The following BAP1 variants were observed in gnomAD, a reference collection of about 807,000 sequenced individuals.
BAP1 encodes the protein BRCA1 associated deubiquitinase 1, also known as ubiquitin carboxyl-terminal hydrolase BAP1.
BAP1 carries 16 observed loss-of-function variants against 77.2 expected under a neutral mutation model. That is an observed-to-expected ratio of 0.21 (90% CI 0.14 to 0.31). The LOEUF (loss-of-function observed/expected upper bound fraction) is 0.31. Ranked by LOEUF, BAP1 falls within the 10% of genes least tolerant of loss-of-function variation. The pLI, the probability that BAP1 is intolerant of heterozygous loss-of-function variation, is 1.00. For missense variants in BAP1, 699 were observed against 967.3 expected (o/e 0.72, Z 3.68); for synonymous variants, 362 against 385.2 (o/e 0.94, Z 0.71).
Position 52,402,154 on chromosome 3 carries a change from C to G in BAP1, c.*134G>C. Reference sequence around the variant, plus strand: ...ACGATGGAAGGAATGTGGCCTGGTTCCTCCCATTCCCAGGGCCTGGACTCT... The same window carrying G: ...ACGATGGAAGGAATGTGGCCTGGTTGCTCCCATTCCCAGGGCCTGGACTCT... On this transcript the variant is annotated 3_prime_UTR_variant, in exon 17 of 17. Transcript: ENST00000460680. The surrounding 1 kb of genome is among the most constrained non-coding windows in gnomAD (Gnocchi z 5.3). The G allele has an allele frequency of 3.5e-6, 5 of 1,411,324 alleles. No homozygotes were observed. Among genetic ancestry groups the G allele is most frequent in the Non-Finnish European group, 4.8e-6 (5 of 1,044,904 alleles). The allele number at this position is 1,411,324 out of a possible 1,614,324, so 87.4% of individuals were successfully genotyped here.
At position 52,402,818 on chromosome 3, in the gene BAP1, C is replaced by T. The variant is rs150494756; in HGVS notation, c.1944G>A (p.Ala648=). 56 of 1,614,124 alleles carry T rather than the reference C, an allele frequency of 3.5e-5. No homozygotes were observed. Among genetic ancestry groups the T allele is most frequent in the Non-Finnish European group, 4.6e-5 (54 of 1,180,056 alleles). The change falls in exon 15 of 17, where the codon GCG becomes GCA. Residue 648 remains alanine, a synonymous_variant. Transcript: ENST00000460680. The surrounding 1 kb of genome is among the most constrained non-coding windows in gnomAD (Gnocchi z 5.3). ...TCTTCTCTACCTCCTCCTTGAGGCA[C>T]GCCTCATAGTTTGCAATCTCAGCCT... is the stretch of plus-strand genomic sequence containing the variant. ...CVEAEIANYE[A]CLKEEVEKRK... is the part of the protein sequence containing the mutation.
Position 52,403,358 on chromosome 3 carries a change from C to T in BAP1, c.1729+58G>A. 1 of 1,612,172 alleles carries T rather than the reference C, an allele frequency of 6.2e-7. No homozygotes were observed. The highest frequency in any genetic ancestry group is 8.5e-7 in the Non-Finnish European group (1 of 1,179,448). On this transcript the variant is annotated intron_variant, in intron 13 of 16. Coordinates refer to ENST00000460680, the MANE Select transcript of BAP1 (RefSeq NM_004656.4). The surrounding 1 kb of genome is among the most constrained non-coding windows in gnomAD (Gnocchi z 4.0). ...GCAGGACACTTTGTGGTCACTTGGC[C>T]ACTTCCCTCCTCCCTCCTGGGTGCA... is the stretch of plus-strand genomic sequence containing the variant.
chr3:52,406,764 TCTCTGTCC>T lies in BAP1; in HGVS notation c.659+57_659+64del. 6.6e-7 allele frequency: 1 copy of T among 1,509,590 alleles called. No homozygotes were observed. Among genetic ancestry groups the T allele is most frequent in the East Asian group, 2.5e-5 (1 of 40,710 alleles). The allele number at this position is 1,509,590 out of a possible 1,614,324, so 93.5% of individuals were successfully genotyped here. A position where few individuals can be genotyped will look rare whatever the true frequency, so the allele number is the denominator to read the frequency against. ...TGCAATTTACAAATCACCTGGATAC[TCTCTGTCC>T]CTCCCAAAGTAGGTACAGCTCCAGA... is the stretch of plus-strand genomic sequence containing the variant. On this transcript the variant is annotated intron_variant, in intron 8 of 16. Transcript: ENST00000460680. The surrounding 1 kb of genome is among the most constrained non-coding windows in gnomAD (Gnocchi z 4.6).
Position 52,409,527 on chromosome 3 carries a change from G to A in BAP1, c.122+27C>T, listed in dbSNP as rs201395831. 3.0e-5 allele frequency: 48 copies of A among 1,613,944 alleles called. No individual in the cohort carries two copies. In the South Asian group the frequency reaches 4.7e-4, roughly 16 times the overall value. ...CCTTCCCCAGCACTCTGGGTGTAAG[G>A]GGCAGCCCTGGTGTACAGCCACTCA... On this transcript the variant is annotated intron_variant, in intron 3 of 16. Coordinates refer to ENST00000460680, the MANE Select transcript of BAP1 (RefSeq NM_004656.4).
rs2153228548 is a variant in BAP1 at position 52,409,598 on chromosome 3, C to G, written c.78G>C (p.Gly26=). The G allele has an allele frequency of 6.2e-7, 1 of 1,614,158 alleles. No individual in the cohort carries two copies. Among genetic ancestry groups the G allele is most frequent in the Non-Finnish European group, 8.5e-7 (1 of 1,180,014 alleles). The change falls in exon 3 of 17, where the codon GGG becomes GGC. Residue 26 remains glycine, a synonymous_variant. Transcript: ENST00000460680. ...GGTCGTAGATCTCCTCCACTTGCAC[C>G]CCCTTGACACCTGCGATGAGGAAAG... ...TLLVEDFGVK[G]VQVEEIYDLQ... is the part of the protein sequence containing the mutation.
intron 12 of BAP1, 151 bp downstream of exon 12, chr3:52,404,302 G>A: frequency 7.4e-7 from 1 of 1,344,292 alleles, no homozygotes; most frequent in South Asian, 1.2e-5. Flanking sequence ...GGGACCTGGG[G>A]TCAGCCCCAT....
chr3:52,404,649 T>C (rs2153226910), intron 11 of BAP1, 63 bp from the exon 12 acceptor site: 1 of 1,570,350 alleles, frequency 6.4e-7, no homozygotes, highest in Non-Finnish European at 8.6e-7. Flanking sequence ...GCCTAGACAC[T>C]CACAGCCAGA....
intron 2 of BAP1, 32 bp from the exon 3 acceptor site, chr3:52,409,640 G>A (rs370637728): frequency 1.2e-5 from 19 of 1,614,066 alleles, no homozygotes; most frequent in Non-Finnish European, 1.5e-5. Context: ...AGTAGGGAAG[G>A]ACAGCCCCTG....
In BAP1 at chr3:52,403,782, A is replaced by G. The variant is rs1559586983; in HGVS notation, c.1363T>C (p.Ser455Pro). 1 of 1,613,548 alleles carries G rather than the reference A, an allele frequency of 6.2e-7. No individual in the cohort carries two copies. Among genetic ancestry groups the G allele is most frequent in the Middle Eastern group, 1.6e-4 (1 of 6,062 alleles). Residue 455 changes from serine to proline, a missense_variant, in exon 13 of 17, where the codon TCC (serine) becomes CCC (proline). Transcript: ENST00000460680. The surrounding 1 kb of genome is among the most constrained non-coding windows in gnomAD (Gnocchi z 4.0). ...INVLAEKLKE[S>P]QKDLSIPLSI... The stretch of plus-strand genomic sequence containing the variant: ...AGAGGAATTGAGAGGTCCTTCTGGG[A>G]CTCTTTGAGCTTCTCAGCCAAGACG...
rs1705166667 is a variant in BAP1 at position 52,406,556 on chromosome 3, A to G, written c.660-180T>C. ...GGCACCTGAGCTGGTACCTTCCAAC[A>G]AGCTGTATGAGGGGCCTATCTGGAA... is the stretch of plus-strand genomic sequence containing the variant. On this transcript the variant is annotated intron_variant, in intron 8 of 16. Transcript: ENST00000460680. This position sits in a 1 kb window ranked among gnomAD's most constrained non-coding sequence, Gnocchi z 4.6. 4.9e-6 allele frequency: 5 copies of G among 1,018,356 alleles called. No individual in the cohort carries two copies. Among genetic ancestry groups the G allele is most frequent in the Admixed American group, 4.1e-5 (2 of 49,000 alleles). The allele number at this position is 1,018,356 out of a possible 1,614,324, so 63.1% of individuals were successfully genotyped here.
rs1559585982 is a variant in BAP1, at chr3:52,403,234, T to G, written c.1794A>C (p.Pro598=). Residue 598 remains proline, a synonymous_variant, in exon 14 of 17, where the codon CCA becomes CCC. Transcript: ENST00000460680. The surrounding 1 kb of genome is among the most constrained non-coding windows in gnomAD (Gnocchi z 4.0). ...PIQGSQGSSS[P]VEKEVVEATD... is the part of the protein sequence containing the mutation. ...TGGCTTCCACGACCTCCTTCTCCAC[T>G]GGGCTGCTGGACCCCTGGCTGCCTT... is the stretch of plus-strand genomic sequence containing the variant. 1.2e-6 allele frequency: 2 copies of G among 1,614,198 alleles called. No homozygotes were observed. Among genetic ancestry groups the G allele is most frequent in the Non-Finnish European group, 1.7e-6 (2 of 1,180,040 alleles).
rs773809939 is a variant in BAP1 at position 52,405,301 on chromosome 3, CAG to C, written c.932-9_932-8del. ...GCCGCCTCCTCTGCACCATCTGAGACAGGGCAAGAACACAGGCAGGACCTCCA... is the reference window on the plus strand; with the variant it reads ...GCCGCCTCCTCTGCACCATCTGAGACGGCAAGAACACAGGCAGGACCTCCA... On this transcript the variant is annotated splice_polypyrimidine_tract_variant and splice_region_variant and intron_variant, in intron 10 of 16. Coordinates refer to ENST00000460680, the MANE Select transcript of BAP1 (RefSeq NM_004656.4). The C allele has an allele frequency of 5.6e-6, 9 of 1,613,438 alleles. No individual in the cohort carries two copies. Among genetic ancestry groups the C allele is most frequent in the South Asian group, 3.3e-5 (3 of 91,064 alleles).
chr3:52,404,256 C>G (rs989338920), intron 12 of BAP1, among the ~76,000 whole-genome samples, 197 bp downstream of exon 12: 1 of 152,242 alleles, frequency 6.6e-6, no homozygotes, highest in Admixed American at 6.5e-5. Context: ...AGCTTACGTG[C>G]TCAGCCTTAC....
rs2153227556 is a variant in BAP1 at position 52,406,464 on chromosome 3, G to C, written c.660-88C>G. On this transcript the variant is annotated intron_variant, in intron 8 of 16. Coordinates refer to ENST00000460680, the MANE Select transcript of BAP1 (RefSeq NM_004656.4). This position sits in a 1 kb window ranked among gnomAD's most constrained non-coding sequence, Gnocchi z 4.6. ...AGATATCCTGGCAGGGCTCCCTGCA[G>C]TCACACCTGCAGCTGTAGGTATAGG... The C allele has an allele frequency of 6.3e-7, 1 of 1,585,774 alleles. No homozygotes were observed. The highest frequency in any genetic ancestry group is 8.5e-7 in the Non-Finnish European group (1 of 1,170,042).
chr3:52,403,941 CATACCCAGCA>C lies in BAP1; in HGVS notation c.1251-57_1251-48del. 3 of 1,599,032 alleles carry C rather than the reference CATACCCAGCA, an allele frequency of 1.9e-6. No homozygotes were observed. The highest frequency in any genetic ancestry group is 2.6e-6 in the Non-Finnish European group (3 of 1,168,734). The stretch of plus-strand genomic sequence containing the variant: ...GAAGCAAGGGAACGGGCCAGGTGAC[CATACCCAGCA>C]GTACCCAGAATGGCTTAAATACATC... On this transcript the variant is annotated intron_variant, in intron 12 of 16. Transcript: ENST00000460680. This position sits in a 1 kb window ranked among gnomAD's most constrained non-coding sequence, Gnocchi z 4.0.
chr3:52,402,518 C>T lies in BAP1; in HGVS notation c.2056+84G>A, dbSNP rs1704993977. 1.2e-5 allele frequency: 20 copies of T among 1,610,638 alleles called. 1 individual carries two copies. In the South Asian group the frequency reaches 2.2e-4, roughly 18 times the overall value. ...CCCTGTGCCCCAAGGTCTGCTCAAG[C>T]CTCAGGAGAGGCCAGGGGAGGGGAG... On this transcript the variant is annotated intron_variant, in intron 16 of 16. Coordinates refer to ENST00000460680, the MANE Select transcript of BAP1 (RefSeq NM_004656.4). The surrounding 1 kb of genome is among the most constrained non-coding windows in gnomAD (Gnocchi z 5.3).
chr3:52,403,292 C>T lies in BAP1; in HGVS notation c.1736G>A (p.Gly579Glu), dbSNP rs746575769. ...TCTGATGGAGGGCGAGGAACCCTTC[C>T]CACCCTCTGGGAAGAGAGGTCACAA... ...VLSPLALTEG[G>E]KGSSPSIRPI... The change falls in exon 14 of 17, where the codon GGG (glycine) becomes GAG (glutamate). Residue 579 changes from glycine (G) to glutamate (E), a missense_variant. Transcript: ENST00000460680. The surrounding 1 kb of genome is among the most constrained non-coding windows in gnomAD (Gnocchi z 4.0). 2 of 1,613,878 alleles carry T rather than the reference C, an allele frequency of 1.2e-6. No homozygotes were observed. Among genetic ancestry groups the T allele is most frequent in the Admixed American group, 3.3e-5 (2 of 60,018 alleles).
At chr3:52,404,388 A>T (rs898255198) in intron 12 of BAP1, 65 bp downstream of exon 12, 3 of 1,608,710 alleles carry the variant, frequency 1.9e-6, no homozygotes, top group Non-Finnish European at 2.6e-6. Flanking sequence ...TCAGACACAG[A>T]CTGAGATATT....
chr3:52,402,052 G>A lies in BAP1; in HGVS notation c.*236C>T. The A allele has an allele frequency of 1.5e-6, 1 of 677,172 alleles. No homozygotes were observed. Among genetic ancestry groups the A allele is most frequent in the South Asian group, 1.9e-5 (1 of 51,346 alleles). The allele number at this position is 677,172 out of a possible 1,614,324, so 41.9% of individuals were successfully genotyped here. A position where few individuals can be genotyped will look rare whatever the true frequency, so the allele number is the denominator to read the frequency against. ...ACAGCCGGCTGTGGAGGAAGCTGCA[G>A]TACCTCGCTGTGCCCCAACTCCAGA... On this transcript the variant is annotated 3_prime_UTR_variant, in exon 17 of 17. Coordinates refer to ENST00000460680, the MANE Select transcript of BAP1 (RefSeq NM_004656.4). This position sits in a 1 kb window ranked among gnomAD's most constrained non-coding sequence, Gnocchi z 5.3.
Sources: allele counts gnomAD v4.1 joint callset (sites outside exome capture counted in the v4.1 genomes callset), GRCh38; gene constraint gnomAD v4.1.1; non-coding constraint Gnocchi (gnomAD v3.1); transcripts MANE v1.5; gene names NCBI Gene and HGNC (gene_info 2026-07-23, HGNC 2026-07-21).